DOHH: variants seen among roughly 807,000 people sequenced by gnomAD.
DOHH encodes the protein deoxyhypusine hydroxylase.
DOHH carries 16 observed loss-of-function variants against 19.9 expected under a neutral mutation model. The ratio of observed to expected loss-of-function variants is 0.80; its 90% confidence interval spans 0.54 to 1.22. The LOEUF (loss-of-function observed/expected upper bound fraction) is 1.22, where lower values mean the gene tolerates loss of function less well. DOHH is among the 50% of genes most tolerant of loss of function. The probability of loss-of-function intolerance (pLI) is 0.00; values close to 1 mark genes in which losing one functional copy is unlikely to be tolerated. For synonymous variants in DOHH, 233 were observed against 217.0 expected, an observed-to-expected ratio of 1.07 and a Z score of -0.65; for missense variants, 460 against 460.6, an observed-to-expected ratio of 1.00 and a Z score of 0.01.
intron 1 of DOHH, among the ~76,000 whole-genome samples, chr19:3,500,089 G>A (rs535052449): frequency 1.5e-5 from 2 of 133,920 alleles, no homozygotes; most frequent in South Asian, 2.4e-4. Context: ...CAGCCAAGGG[G>A]AGAAGGGACC....
chr19:3,491,134 C>G lies in DOHH; in HGVS notation c.*358G>C. 1 of 360,228 alleles carries G rather than the reference C, an allele frequency of 2.8e-6. No individual in the cohort carries two copies. Among genetic ancestry groups the G allele is most frequent in the Non-Finnish European group, 5.0e-6 (1 of 198,146 alleles). 22.3% of individuals were successfully genotyped at this position (360,228 alleles called of 1,614,324 possible). A position where few individuals can be genotyped will look rare whatever the true frequency, so the allele number is the denominator to read the frequency against. On this transcript the variant is annotated 3_prime_UTR_variant, in exon 5 of 5. Transcript: ENST00000427575. This position sits in a 1 kb window ranked among gnomAD's most constrained non-coding sequence, Gnocchi z 5.6. Reference sequence around the variant, plus strand: ...CCCCTGGCTTCCCTCGCGATCCTCCCCTGGCTTCCCTCGCGATCCTCCCCT... The same window carrying G: ...CCCCTGGCTTCCCTCGCGATCCTCCGCTGGCTTCCCTCGCGATCCTCCCCT...
chr19:3,491,896 T>C lies in DOHH; in HGVS notation c.590-85A>G. 7.6e-7 allele frequency: 1 copy of C among 1,313,132 alleles called. No homozygotes were observed. Among genetic ancestry groups the C allele is most frequent in the Non-Finnish European group, 9.9e-7 (1 of 1,005,056 alleles). 81.3% of individuals were successfully genotyped at this position (1,313,132 alleles called of 1,614,324 possible). On this transcript the variant is annotated intron_variant, in intron 4 of 4. Transcript: ENST00000427575. The surrounding 1 kb of genome is among the most constrained non-coding windows in gnomAD (Gnocchi z 5.6). ...TTCGAAGACATGGGGTCTTGCTATC[T>C]TGCCCAGGCAGGTCACAAAGTCCTG...
At position 3,491,320 on chromosome 19, in the gene DOHH, C is replaced by T. The variant is rs1241938366; in HGVS notation, c.*172G>A. Reference sequence around the variant, plus strand: ...AGCAGTCAGGGGACTCAGGGAGTCACAGCACAACGGCAGCTCCTCGGTCCC... The same window carrying T: ...AGCAGTCAGGGGACTCAGGGAGTCATAGCACAACGGCAGCTCCTCGGTCCC... On this transcript the variant is annotated 3_prime_UTR_variant, in exon 5 of 5. Coordinates refer to ENST00000427575, the MANE Select transcript of DOHH (RefSeq NM_001145165.2). The surrounding 1 kb of genome is among the most constrained non-coding windows in gnomAD (Gnocchi z 5.6). The T allele has an allele frequency of 4.3e-6, 3 of 698,984 alleles. No homozygotes were observed. In the Admixed American group the frequency reaches 9.1e-5, roughly 21 times the overall value. The allele number at this position is 698,984 out of a possible 1,614,324, so 43.3% of individuals were successfully genotyped here.
In DOHH at chr19:3,492,379, C is replaced by A. The variant is rs533833325; in HGVS notation, c.472G>T (p.Val158Leu). The A allele has an allele frequency of 1.3e-6, 2 of 1,537,642 alleles. No individual in the cohort carries two copies. Among genetic ancestry groups the A allele is most frequent in the South Asian group, 2.4e-5 (2 of 83,902 alleles). The change falls in exon 4 of 5, where the codon GTG becomes TTG. Residue 158 changes from valine (V) to leucine (L), a missense_variant. Transcript: ENST00000427575. The part of the protein sequence containing the change: ...DPAPPAEERD[V>L]GRLREALLDE... ...AGCAGCGCCTCCCGCAGGCGCCCCA[C>A]GTCACGCTCCTCAGCCGGCGGGGCA...
Position 3,496,380 on chromosome 19 carries a change from G to T in DOHH, c.274+161C>A, listed in dbSNP as rs1009122727. On this transcript the variant is annotated intron_variant, in intron 2 of 4. Transcript: ENST00000427575. This position sits in a 1 kb window ranked among gnomAD's most constrained non-coding sequence, Gnocchi z 4.8. ...AGATGACCTGCGCTGGCTTTATTGA[G>T]TCGCTGTCTGGCTGCAGAGCTGCAG... Among the ~76,000 whole-genome samples, 1 of 152,202 alleles carries T rather than the reference G, an allele frequency of 6.6e-6. No individual in the cohort carries two copies. The highest frequency in any genetic ancestry group is 2.4e-5 in the African/African-American group (1 of 41,458).
chr19:3,491,165 C>T lies in DOHH; in HGVS notation c.*327G>A. 1 of 427,798 alleles carries T rather than the reference C, an allele frequency of 2.3e-6. No individual in the cohort carries two copies. The highest frequency in any genetic ancestry group is 4.2e-6 in the Non-Finnish European group (1 of 240,688). 26.5% of individuals were successfully genotyped at this position (427,798 alleles called of 1,614,324 possible). On this transcript the variant is annotated 3_prime_UTR_variant, in exon 5 of 5. Transcript: ENST00000427575. The surrounding 1 kb of genome is among the most constrained non-coding windows in gnomAD (Gnocchi z 5.6). ...TTCCCTCGCGATCCTCCCCTGGCTTCCCTCGCGATCCTCCCCTGGCTTCCC... is the reference window on the plus strand; with the variant it reads ...TTCCCTCGCGATCCTCCCCTGGCTTTCCTCGCGATCCTCCCCTGGCTTCCC...
intron 3 of DOHH, among the ~76,000 whole-genome samples, 192 bp from the exon 4 acceptor site, chr19:3,492,691 G>A (rs1599758654): frequency 6.6e-6 from 1 of 152,204 alleles, no homozygotes; most frequent in African/African-American, 2.4e-5. Flanking sequence ...GCTGGGGAGG[G>A]CCTCAGGGAG....
chr19:3,494,689 C>T (rs1170575502), intron 2 of DOHH, among the ~76,000 whole-genome samples: 8 of 152,222 alleles, frequency 5.3e-5, no homozygotes, highest in Admixed American at 3.9e-4. Context: ...GCAGATGTTC[C>T]TTGAATTTTC....
chr19:3,493,951 G>A (rs2082889148), intron 3 of DOHH, 77 bp downstream of exon 3: 15 of 1,412,414 alleles, frequency 1.1e-5, no homozygotes, highest in Admixed American at 2.0e-5. Flanking sequence ...GCTGCTCCAG[G>A]TCAGGGCTGG....
Position 3,496,275 on chromosome 19 carries a change from G to C in DOHH, c.274+266C>G, listed in dbSNP as rs2082906705. Among the ~76,000 whole-genome samples, 1 of 152,196 alleles carries C rather than the reference G, an allele frequency of 6.6e-6. No individual in the cohort carries two copies. Among genetic ancestry groups the C allele is most frequent in the African/African-American group, 2.4e-5 (1 of 41,458 alleles). On this transcript the variant is annotated intron_variant, in intron 2 of 4. Coordinates refer to ENST00000427575, the MANE Select transcript of DOHH (RefSeq NM_001145165.2). The surrounding 1 kb of genome is among the most constrained non-coding windows in gnomAD (Gnocchi z 4.8). ...GATCCACCTTCCTGGGCCTCCCAAAGTGCTAAGATTACAGGCCTGAGCCAC... is the reference window on the plus strand; with the variant it reads ...GATCCACCTTCCTGGGCCTCCCAAACTGCTAAGATTACAGGCCTGAGCCAC...
chr19:3,491,576 C>T lies in DOHH; in HGVS notation c.825G>A (p.Val275=). Residue 275 remains valine (V), a synonymous_variant, in exon 5 of 5, where the codon GTG becomes GTA. Coordinates refer to ENST00000427575, the MANE Select transcript of DOHH (RefSeq NM_001145165.2). The surrounding 1 kb of genome is among the most constrained non-coding windows in gnomAD (Gnocchi z 5.6). ...PERVVRESCE[V]ALDMYEHETG... is the part of the protein sequence containing the mutation. ...TCTCGTGCTCATACATGTCCAGAGC[C>T]ACCTCGCAGCTCTCACGCACCACGC... is the stretch of plus-strand genomic sequence containing the variant. The T allele has an allele frequency of 6.5e-7, 1 of 1,535,964 alleles. No homozygotes were observed. The highest frequency in any genetic ancestry group is 2.0e-5 in the Admixed American group (1 of 51,012).
intron 3 of DOHH, among the ~76,000 whole-genome samples, chr19:3,493,319 T>C (rs945328545): frequency 2.0e-5 from 3 of 151,044 alleles, no homozygotes; most frequent in Non-Finnish European, 4.4e-5. Context: ...AAAAATTTGT[T>C]TCATTTTTGG....
rs548677741 is a variant in DOHH at position 3,494,614 on chromosome 19, A to G, written c.275-510T>C. ...CTTAGGTGGGTTCGGGTACAGGCGCAAGTGCAGGCGTCGCAAGCCCAGGTC... is the reference window on the plus strand; with the variant it reads ...CTTAGGTGGGTTCGGGTACAGGCGCGAGTGCAGGCGTCGCAAGCCCAGGTC... On this transcript the variant is annotated intron_variant, in intron 2 of 4. Coordinates refer to ENST00000427575, the MANE Select transcript of DOHH (RefSeq NM_001145165.2). Among the ~76,000 whole-genome samples, 31 of 152,324 alleles carry G rather than the reference A, an allele frequency of 2.0e-4. No individual in the cohort carries two copies. In the South Asian group the frequency reaches 5.6e-3, roughly 27 times the overall value.
chr19:3,493,707 G>A (rs1401729515), intron 3 of DOHH, among the ~76,000 whole-genome samples: 2 of 152,186 alleles, frequency 1.3e-5, no homozygotes, highest in Admixed American at 6.5e-5. Context: ...GCACTGGGTG[G>A]GTTCAGAGGG....
chr19:3,491,200 T>G lies in DOHH; in HGVS notation c.*292A>C, dbSNP rs1303650917. ...CCTCCCCTGGCTTCCCTCGCAATCC[T>G]CCCCTGTCCTGAGCCGGGCATCCCA... is the stretch of plus-strand genomic sequence containing the variant. On this transcript the variant is annotated 3_prime_UTR_variant, in exon 5 of 5. Coordinates refer to ENST00000427575, the MANE Select transcript of DOHH (RefSeq NM_001145165.2). The surrounding 1 kb of genome is among the most constrained non-coding windows in gnomAD (Gnocchi z 5.6). 6.4e-6 allele frequency: 3 copies of G among 466,530 alleles called. No individual in the cohort carries two copies. The highest frequency in any genetic ancestry group is 1.1e-5 in the Non-Finnish European group (3 of 268,644). The allele number at this position is 466,530 out of a possible 1,614,324, so 28.9% of individuals were successfully genotyped here.
chr19:3,494,251 T>G, intron 2 of DOHH, 147 bp from the exon 3 acceptor site: 4 of 664,788 alleles, frequency 6.0e-6, no homozygotes, highest in South Asian at 5.7e-5. Flanking sequence ...GGAGCAGCAG[T>G]CGGTACAGGC....
In DOHH at chr19:3,496,492, G is replaced by T; in HGVS notation, c.274+49C>A. On this transcript the variant is annotated intron_variant, in intron 2 of 4. Coordinates refer to ENST00000427575, the MANE Select transcript of DOHH (RefSeq NM_001145165.2). This position sits in a 1 kb window ranked among gnomAD's most constrained non-coding sequence, Gnocchi z 4.8. The stretch of plus-strand genomic sequence containing the variant: ...GGAAGGGGACACGTGGGGTCATGAA[G>T]AAGTGAGGCAGGAGGGAGCAGGTGC... The T allele has an allele frequency of 6.3e-7, 1 of 1,580,076 alleles. No individual in the cohort carries two copies. Among genetic ancestry groups the T allele is most frequent in the South Asian group, 1.1e-5 (1 of 88,662 alleles).
At chr19:3,498,840 A>G (rs2082928894) in intron 1 of DOHH, among the ~76,000 whole-genome samples, 1 of 152,132 alleles carries the variant, frequency 6.6e-6, no homozygotes, top group Admixed American at 6.6e-5. Flanking sequence ...GACCCACTGG[A>G]GATGAGATAA....
chr19:3,495,747 A>G (rs1391525351), intron 2 of DOHH, among the ~76,000 whole-genome samples: 1 of 152,040 alleles, frequency 6.6e-6, no homozygotes, highest in Non-Finnish European at 1.5e-5. Flanking sequence ...CATCTCTACT[A>G]AAAATACAAA....
Sources: gnomAD v4.1 joint callset for allele counts (sites outside exome capture counted in the v4.1 genomes callset) on GRCh38, gnomAD v4.1.1 for gene constraint, Gnocchi (gnomAD v3.1) non-coding constraint, MANE v1.5 for transcripts, NCBI Gene and HGNC (gene_info 2026-07-23, HGNC 2026-07-21) for gene names.